Variants in PKP4 observed in about 807,000 individuals in gnomAD.
The protein encoded by PKP4 is plakophilin 4.
A neutral mutation model predicts 145.1 loss-of-function variants in PKP4; 90 were observed. That is an observed-to-expected ratio of 0.62 (90% CI 0.52 to 0.74). The LOEUF (loss-of-function observed/expected upper bound fraction) is 0.74, where lower values mean the gene tolerates loss of function less well. PKP4 is among the 30% of genes least tolerant of loss of function. The pLI is 0.00. For synonymous variants in PKP4, 563 were observed against 577.2 expected, an observed-to-expected ratio of 0.98 and a Z score of 0.35; for missense variants, 1,340 against 1,482.7, an observed-to-expected ratio of 0.90 and a Z score of 1.58.
chr2:158,589,898 T>C (rs2049108414), intron 3 of PKP4, among the ~76,000 whole-genome samples: 1 of 152,114 alleles, frequency 6.6e-6, no homozygotes, highest in Non-Finnish European at 1.5e-5. Context: ...GAAAATGTGA[T>C]TATCTACCTA....
intron 4 of PKP4, among the ~76,000 whole-genome samples, chr2:158,609,226 TG>T (rs1327238881): frequency 5.3e-5 from 8 of 152,164 alleles, no homozygotes; most frequent in South Asian, 4.1e-4. Flanking sequence ...TTTTGACAAT[TG>T]TTTTTTTTCT....
chr2:158,670,837 G>A (rs2057491018), intron 17 of PKP4, among the ~76,000 whole-genome samples: 1 of 152,178 alleles, frequency 6.6e-6, no homozygotes, highest in Non-Finnish European at 1.5e-5. Context: ...AAGGACTAGA[G>A]AATCAGTGGT....
At chr2:158,601,232 C>T (rs2050200008) in intron 3 of PKP4, among the ~76,000 whole-genome samples, 1 of 152,100 alleles carries the variant, frequency 6.6e-6, no homozygotes, top group African/African-American at 2.4e-5. Context: ...GATAAAAAGT[C>T]TTGTATTTCA....
At chr2:158,626,450 G>T (rs140821611) in intron 7 of PKP4, among the ~76,000 whole-genome samples, 154 of 152,246 alleles carry the variant, frequency 1.0e-3, no homozygotes, top group Non-Finnish European at 1.8e-3. Context: ...GTTATGTTTA[G>T]CTGTTAGAGA....
At chr2:158,504,889 T>C (rs1697090753) in intron 1 of PKP4, among the ~76,000 whole-genome samples, 1 of 152,206 alleles carries the variant, frequency 6.6e-6, no homozygotes, top group Admixed American at 6.5e-5. Context: ...TTCAGTGATG[T>C]TTTGTCTGTT....
rs747977498 is a variant in PKP4 at position 158,658,282 on chromosome 2, A to G, written c.2061A>G (p.Ser687=). The G allele has an allele frequency of 6.2e-7, 1 of 1,606,352 alleles. No individual in the cohort carries two copies. Among genetic ancestry groups the G allele is most frequent in the African/African-American group, 1.3e-5 (1 of 74,748 alleles). ...DDDHKIKFQT[S]LVLRNTTGCL... ...ATCATAAAATTAAATTTCAGACTTC[A>G]CTAGTTCTGCGTAACACGACAGGTT... Residue 687 remains serine (S), a synonymous_variant, in exon 12 of 22, where the codon TCA becomes TCG. Transcript: ENST00000389759.
intron 11 of PKP4, among the ~76,000 whole-genome samples, chr2:158,653,708 T>G (rs916073662): frequency 6.6e-6 from 1 of 152,214 alleles, no homozygotes; most frequent in Non-Finnish European, 1.5e-5. Context: ...AACTTTCCCT[T>G]TGAGAACCAG....
intron 2 of PKP4, among the ~76,000 whole-genome samples, chr2:158,575,561 T>C (rs111497978): frequency 5.3e-4 from 80 of 152,320 alleles, no homozygotes; most frequent in African/African-American, 1.9e-3. Flanking sequence ...CATACCATAC[T>C]GTACCTGATA....
At chr2:158,462,937 T>G (rs1284651440) in intron 1 of PKP4, among the ~76,000 whole-genome samples, 2 of 152,250 alleles carry the variant, frequency 1.3e-5, no homozygotes, top group African/African-American at 4.8e-5. Flanking sequence ...GAAATAATTA[T>G]TTTTACATTG....
intron 2 of PKP4, among the ~76,000 whole-genome samples, chr2:158,561,178 A>G (rs1014108547): frequency 6.6e-6 from 1 of 152,204 alleles, no homozygotes; most frequent in Non-Finnish European, 1.5e-5. Context: ...CTCGTCATTT[A>G]TGTTTATGGC....
chr2:158,640,352 C>A (rs532740861), intron 9 of PKP4, among the ~76,000 whole-genome samples: 183 of 152,316 alleles, frequency 1.2e-3, no homozygotes, highest in Non-Finnish European at 2.1e-3. Flanking sequence ...GGAGGAGGAA[C>A]ACGAGAGTGG....
At chr2:158,478,000 C>T (rs1215165206) in intron 1 of PKP4, among the ~76,000 whole-genome samples, 1 of 152,100 alleles carries the variant, frequency 6.6e-6, no homozygotes, top group Non-Finnish European at 1.5e-5. Flanking sequence ...TCCCTCAGTT[C>T]TTATGTTCTA....
chr2:158,486,137 C>T (rs1435123268), intron 1 of PKP4, among the ~76,000 whole-genome samples: 1 of 152,094 alleles, frequency 6.6e-6, no homozygotes, highest in African/African-American at 2.4e-5. Context: ...TTTGAAGATA[C>T]TTGGCAGCTC....
chr2:158,619,862 C>G (rs1216385168), intron 4 of PKP4, among the ~76,000 whole-genome samples: 1 of 152,150 alleles, frequency 6.6e-6, no homozygotes, highest in Non-Finnish European at 1.5e-5. Flanking sequence ...GGCTGGCCTC[C>G]TGTGGTAAAT....
At chr2:158,620,143 A>G (rs2052061185) in intron 4 of PKP4, among the ~76,000 whole-genome samples, 2 of 152,164 alleles carry the variant, frequency 1.3e-5, no homozygotes, top group Non-Finnish European at 2.9e-5. Context: ...TTTGTTAATA[A>G]TATAAGGGTT....
At chr2:158,558,309 G>A (rs2046258571) in intron 2 of PKP4, among the ~76,000 whole-genome samples, 2 of 152,058 alleles carry the variant, frequency 1.3e-5, no homozygotes, top group African/African-American at 4.8e-5. Flanking sequence ...ACTCACCCAG[G>A]GAAAATGTCT....
chr2:158,676,984 C>T (rs753376160), intron 20 of PKP4, 117 bp downstream of exon 20: 2 of 1,219,356 alleles, frequency 1.6e-6, no homozygotes, highest in South Asian at 2.5e-5. Flanking sequence ...CAGCAGCAAA[C>T]CATGTTCCAG....
chr2:158,530,504 CTTTTTTTTTTTT>C (rs869120223), intron 1 of PKP4, among the ~76,000 whole-genome samples: 991 of 92,170 alleles, frequency 0.011, 23 homozygotes, highest in African/African-American at 0.04. Flanking sequence ...CTCTTTCTTT[CTTTTTTTTTTTT>C]TTTTTTTTTT....
intron 13 of PKP4, chr2:158,662,510 G>A (rs1381160706): frequency 6.2e-6 from 1 of 160,122 alleles, no homozygotes; most frequent in Non-Finnish European, 1.4e-5. Flanking sequence ...CATGGGACTT[G>A]GGGATATAGT....
Sources: allele counts gnomAD v4.1 joint callset (sites outside exome capture counted in the v4.1 genomes callset), GRCh38; gene constraint gnomAD v4.1.1; transcripts MANE v1.5; gene names NCBI Gene and HGNC (gene_info 2026-07-23, HGNC 2026-07-21).